The following ALOX5AP variants were observed in gnomAD, a reference collection of about 807,000 sequenced individuals.
ALOX5AP encodes arachidonate 5-lipoxygenase-activating protein.
ALOX5AP carries 9 observed loss-of-function variants against 18.5 expected under a neutral mutation model. That is an observed-to-expected ratio of 0.49 (90% CI 0.29 to 0.85). ALOX5AP has a LOEUF of 0.85. Ranked by LOEUF, ALOX5AP falls within the 40% of genes least tolerant of loss-of-function variation. The pLI is 0.08. For synonymous variants in ALOX5AP, 81 were observed against 78.6 expected, an observed-to-expected ratio of 1.03 and a Z score of -0.16; for missense variants, 172 against 202.5, an observed-to-expected ratio of 0.85 and a Z score of 0.91.
chr13:30,732,951 C>T (rs1463422416), upstream of ALOX5AP, among the ~76,000 whole-genome samples: 4 of 151,768 alleles, frequency 2.6e-5, no homozygotes, highest in Admixed American at 6.6e-5. Context: ...GTCAGGAGAT[C>T]GAGACCATCC....
chr13:30,724,209 G>A (rs1382988722), intron 1 of ALOX5AP, among the ~76,000 whole-genome samples: 1 of 152,104 alleles, frequency 6.6e-6, no homozygotes, highest in African/African-American at 2.4e-5. Flanking sequence ...ACTCTTTTGT[G>A]TCTGTCTTCT....
intron 2 of ALOX5AP, among the ~76,000 whole-genome samples, chr13:30,744,929 C>T (rs1376479955): frequency 1.3e-5 from 2 of 152,208 alleles, no homozygotes; most frequent in African/African-American, 2.4e-5. Context: ...AGGAGCTGGC[C>T]TTCAGTTCCA....
upstream of ALOX5AP, chr13:30,735,410 A>G: frequency 8.0e-7 from 1 of 1,251,270 alleles, no homozygotes; most frequent in South Asian, 1.6e-5. Context: ...ACTGAACCAC[A>G]GCCAGGGCAT....
chr13:30,729,069 G>T (rs1951659943), intron 1 of ALOX5AP, among the ~76,000 whole-genome samples: 1 of 151,930 alleles, frequency 6.6e-6, no homozygotes, highest in Non-Finnish European at 1.5e-5. Context: ...TGCACCTATT[G>T]GCTATATGTA....
At chr13:30,739,745 T>G (rs1237232548) in intron 1 of ALOX5AP, among the ~76,000 whole-genome samples, 1 of 152,210 alleles carries the variant, frequency 6.6e-6, no homozygotes, top group African/African-American at 2.4e-5. Flanking sequence ...CATACTATTA[T>G]TTATTCTTGT....
At chr13:30,759,764 T>A (rs966254865) in intron 4 of ALOX5AP, among the ~76,000 whole-genome samples, 4 of 152,134 alleles carry the variant, frequency 2.6e-5, no homozygotes, top group African/African-American at 9.7e-5. Flanking sequence ...GGAGCATAGA[T>A]GGATATCAAG....
rs115670198 is a variant in ALOX5AP, at chr13:30,715,484, G to A, written c.116+1643G>A. On this transcript the variant is annotated intron_variant, in intron 1 of 5. Coordinates refer to the ALOX5AP transcript ENST00000617770. The stretch of plus-strand genomic sequence containing the variant: ...GTTATCCGCATGCCCTTTCTTGCTT[G>A]CTCCTCAGTGTGGCTGCCTCTATGT... Among the ~76,000 whole-genome samples, 794 of 152,278 alleles carry A rather than the reference G, an allele frequency of 5.2e-3. 5 individuals are homozygous for A. The highest frequency in any genetic ancestry group is 0.018 in the African/African-American group (768 of 41,554).
intron 1 of ALOX5AP, among the ~76,000 whole-genome samples, chr13:30,714,741 G>A (rs921473263): frequency 6.6e-6 from 1 of 152,164 alleles, no homozygotes; most frequent in African/African-American, 2.4e-5. Flanking sequence ...TAGCCTCTGA[G>A]AAGGCTACCA....
chr13:30,750,198 C>T (rs186903973), intron 2 of ALOX5AP, among the ~76,000 whole-genome samples: 2 of 152,266 alleles, frequency 1.3e-5, no homozygotes, highest in Non-Finnish European at 2.9e-5. Flanking sequence ...CTGCCACCTT[C>T]GACCATGGAC....
intron 1 of ALOX5AP, among the ~76,000 whole-genome samples, chr13:30,715,077 T>C (rs1951539433): frequency 6.6e-6 from 1 of 152,154 alleles, no homozygotes; most frequent in African/African-American, 2.4e-5. Flanking sequence ...CAGGTCAATA[T>C]GTGACCTTGG....
At chr13:30,728,860 A>C (rs532341670) in intron 1 of ALOX5AP, among the ~76,000 whole-genome samples, 1 of 152,336 alleles carries the variant, frequency 6.6e-6, no homozygotes, top group East Asian at 1.9e-4. Context: ...TAAAAAACAA[A>C]CAAACAAAAA....
At chr13:30,747,409 G>A (rs1593439786) in intron 2 of ALOX5AP, among the ~76,000 whole-genome samples, 2 of 152,276 alleles carry the variant, frequency 1.3e-5, no homozygotes, top group East Asian at 3.9e-4. Flanking sequence ...CTGACCTCAG[G>A]TTATCCACCC....
chr13:30,744,805 C>A (rs1042710990), intron 2 of ALOX5AP, among the ~76,000 whole-genome samples: 1 of 152,224 alleles, frequency 6.6e-6, no homozygotes, highest in Non-Finnish European at 1.5e-5. Flanking sequence ...ATGCTCCTCT[C>A]TTCTTTATGC....
Position 30,741,550 on chromosome 13 carries a change from AC to A in ALOX5AP, c.71-2505del, listed in dbSNP as rs869222414. On this transcript the variant is annotated intron_variant, in intron 1 of 4. Transcript: ENST00000380490. ...TAGCTAGGATTACAGGCCCCTCCCC[AC>A]CCCCACCCCCCAACAACTGGCTAAT... Among the ~76,000 whole-genome samples, 26 of 32,744 alleles carry A rather than the reference AC, an allele frequency of 7.9e-4. 3 individuals carry two copies. Among genetic ancestry groups the A allele is most frequent in the Non-Finnish European group, 1.7e-3 (24 of 14,170 alleles). 21.5% of individuals were successfully genotyped at this position (32,744 alleles called of 152,430 possible). A position where few individuals can be genotyped will look rare whatever the true frequency, so the allele number is the denominator to read the frequency against.
At chr13:30,720,050 C>T (rs753306648) in intron 1 of ALOX5AP, among the ~76,000 whole-genome samples, 2 of 152,112 alleles carry the variant, frequency 1.3e-5, no homozygotes, top group Admixed American at 6.5e-5. Flanking sequence ...TTAGTAGAGA[C>T]GGGGTTTCCC....
At chr13:30,762,993 G>A (rs1278554895) in intron 4 of ALOX5AP, among the ~76,000 whole-genome samples, 1 of 152,174 alleles carries the variant, frequency 6.6e-6, no homozygotes, top group Non-Finnish European at 1.5e-5. Flanking sequence ...TAGTGCCTTG[G>A]AGAGAAGGAT....
chr13:30,726,105 T>C (rs916552227), intron 1 of ALOX5AP, among the ~76,000 whole-genome samples: 3 of 152,228 alleles, frequency 2.0e-5, no homozygotes, highest in African/African-American at 7.2e-5. Context: ...CTTTGGGCTC[T>C]GCTATTGCAG....
At chr13:30,746,897 C>A (rs1354140398) in intron 2 of ALOX5AP, among the ~76,000 whole-genome samples, 1 of 152,114 alleles carries the variant, frequency 6.6e-6, no homozygotes, top group Non-Finnish European at 1.5e-5. Flanking sequence ...CCATGGCTAT[C>A]AAGGAAAAAC....
intron 1 of ALOX5AP, among the ~76,000 whole-genome samples, chr13:30,723,190 C>A (rs1283273614): frequency 2.6e-5 from 4 of 152,180 alleles, no homozygotes; most frequent in African/African-American, 9.7e-5. Context: ...CCTATAAGAT[C>A]ATATTTTATT....
Sources: gnomAD v4.1 joint callset for allele counts (sites outside exome capture counted in the v4.1 genomes callset) on GRCh38, gnomAD v4.1.1 for gene constraint, MANE v1.5 for transcripts, NCBI Gene and HGNC (gene_info 2026-07-23, HGNC 2026-07-21) for gene names.